Variants in DLG2 observed in about 807,000 individuals in gnomAD.
DLG2 encodes discs large MAGUK scaffold protein 2.
DLG2 carries 45 observed loss-of-function variants against 132.5 expected under a neutral mutation model. That is an observed-to-expected ratio of 0.34 (90% CI 0.27 to 0.44). The LOEUF (loss-of-function observed/expected upper bound fraction) is 0.44. Ranked by LOEUF, DLG2 falls within the 20% of genes least tolerant of loss-of-function variation. The pLI is 1.00. For missense variants in DLG2, 1,045 were observed against 1,196.9 expected (o/e 0.87, Z 1.87); for synonymous variants, 424 against 419.6 (o/e 1.01, Z -0.13).
intron 17 of DLG2, chr11:83,814,928 A>C (rs2048418049): frequency 5.1e-6 from 1 of 197,232 alleles, no homozygotes; most frequent in Admixed American, 5.2e-5. Flanking sequence ...GCACTTGCAC[A>C]GTCAAGAAAT....
chr11:84,549,519 A>G (rs2099397424), intron 6 of DLG2, among the ~76,000 whole-genome samples: 1 of 152,276 alleles, frequency 6.6e-6, no homozygotes, highest in South Asian at 2.1e-4. Context: ...AGCGATGCAA[A>G]TTCCCTGCAG....
chr11:85,469,389 A>G (rs1322436749), intron 3 of DLG2: 1 of 152,258 alleles, frequency 6.6e-6, no homozygotes, highest in East Asian at 1.9e-4. Flanking sequence ...AAATAGTAGC[A>G]TATGTGTAAG....
At chr11:83,900,522 C>T (rs563359336) in intron 15 of DLG2, among the ~76,000 whole-genome samples, 1 of 152,276 alleles carries the variant, frequency 6.6e-6, no homozygotes, top group South Asian at 2.1e-4. Flanking sequence ...CTAGCCATGG[C>T]TAAAAGAGGC....
intron 18 of DLG2, among the ~76,000 whole-genome samples, chr11:83,714,432 TAAG>T (rs982473617): frequency 2.6e-5 from 4 of 152,160 alleles, no homozygotes; most frequent in African/African-American, 9.7e-5. Context: ...ATTTCATAGA[TAAG>T]AAAACTGATA....
intron 6 of DLG2, among the ~76,000 whole-genome samples, chr11:85,050,118 T>TCTCA (rs1555352616): frequency 8.8e-5 from 12 of 136,738 alleles, no homozygotes; most frequent in Admixed American, 4.4e-4. Context: ...CACTGTGTCA[T>TCTCA]CACACACACA....
intron 6 of DLG2, among the ~76,000 whole-genome samples, chr11:84,736,671 A>G (rs1025471597): frequency 1.5e-4 from 23 of 151,846 alleles, no homozygotes; most frequent in Non-Finnish European, 2.9e-4. Context: ...GAATTCCTTT[A>G]TTGATTTTAA....
At position 84,898,965 on chromosome 11, in the gene DLG2, G is replaced by A. The variant is rs532637378; in HGVS notation, c.357+212696C>T. Among the ~76,000 whole-genome samples the A allele has an allele frequency of 2.6e-5, 4 of 152,080 alleles. No homozygotes were observed. In the East Asian group the frequency reaches 7.7e-4, roughly 29 times the overall value. ...TACTAAACTGTAAAATTCCTTGAAAGGTGAGATTGAATTTTATTCATTTTT... is the reference window on the plus strand; with the variant it reads ...TACTAAACTGTAAAATTCCTTGAAAAGTGAGATTGAATTTTATTCATTTTT... On this transcript the variant is annotated intron_variant, in intron 6 of 27. Transcript: ENST00000376104.
chr11:85,016,211 C>T (rs968477476), intron 6 of DLG2, among the ~76,000 whole-genome samples: 5 of 152,022 alleles, frequency 3.3e-5, no homozygotes, highest in African/African-American at 9.7e-5. Context: ...TTCTCTTTTG[C>T]ACCTATGTTA....
At chr11:83,969,912 T>A (rs1426890539) in intron 12 of DLG2, among the ~76,000 whole-genome samples, 1 of 150,284 alleles carries the variant, frequency 6.7e-6, no homozygotes, top group African/African-American at 2.5e-5. Context: ...TGGTTTAAAA[T>A]GTATATGAAA....
intron 6 of DLG2, among the ~76,000 whole-genome samples, chr11:84,794,974 TG>T (rs893613606): frequency 5.3e-5 from 8 of 152,172 alleles, no homozygotes; most frequent in African/African-American, 1.7e-4. Flanking sequence ...GATAAGCTCC[TG>T]GGCAGAAAGG....
chr11:85,529,452 T>TA (rs1048451307), intron 3 of DLG2, among the ~76,000 whole-genome samples: 34 of 152,324 alleles, frequency 2.2e-4, no homozygotes, highest in Non-Finnish European at 3.4e-4. Flanking sequence ...ATCTATTTTT[T>TA]ATCTTGTTCA....
At chr11:84,379,509 G>A (rs147045538) in intron 7 of DLG2, among the ~76,000 whole-genome samples, 10 of 152,192 alleles carry the variant, frequency 6.6e-5, no homozygotes, top group Admixed American at 6.6e-4. Context: ...ATAAGAAGAT[G>A]AGAAATGAGA....
chr11:84,798,225 C>A (rs2074916675), intron 6 of DLG2, among the ~76,000 whole-genome samples: 1 of 152,140 alleles, frequency 6.6e-6, no homozygotes, highest in African/African-American at 2.4e-5. Context: ...CAGCAGATGG[C>A]AAAGCCATTC....
At chr11:84,364,880 A>G (rs2098672478) in intron 7 of DLG2, among the ~76,000 whole-genome samples, 2 of 152,128 alleles carry the variant, frequency 1.3e-5, no homozygotes, top group African/African-American at 4.8e-5. Flanking sequence ...CATGGTGGAT[A>G]AGCTTTTTGA....
intron 6 of DLG2, among the ~76,000 whole-genome samples, chr11:85,062,164 T>C (rs925204023): frequency 1.3e-5 from 2 of 151,868 alleles, no homozygotes; most frequent in African/African-American, 4.8e-5. Context: ...TTATATTCTA[T>C]ATACTTATAA....
chr11:85,423,677 C>G (rs1207829083), intron 3 of DLG2, among the ~76,000 whole-genome samples: 1 of 152,066 alleles, frequency 6.6e-6, no homozygotes, highest in African/African-American at 2.4e-5. Flanking sequence ...ATGACTGTCT[C>G]TACTGTGCTA....
chr11:84,531,546 G>T (rs915566350), intron 7 of DLG2, among the ~76,000 whole-genome samples: 1 of 151,976 alleles, frequency 6.6e-6, no homozygotes, highest in African/African-American at 2.4e-5. Flanking sequence ...ACAACACCTC[G>T]AGAAGGTCAT....
chr11:84,272,867 T>C (rs1178182501), intron 7 of DLG2, among the ~76,000 whole-genome samples: 1 of 152,172 alleles, frequency 6.6e-6, no homozygotes, highest in Non-Finnish European at 1.5e-5. Flanking sequence ...ATCAATATTG[T>C]TTCCTTTCTT....
At chr11:84,063,152 A>G (rs898208398) in intron 10 of DLG2, among the ~76,000 whole-genome samples, 13 of 152,238 alleles carry the variant, frequency 8.5e-5, no homozygotes, top group African/African-American at 2.9e-4. Flanking sequence ...TTACTCTCCA[A>G]TCTCACTCTA....
Sources: gnomAD v4.1 joint callset for allele counts (sites outside exome capture counted in the v4.1 genomes callset) on GRCh38, gnomAD v4.1.1 for gene constraint, MANE v1.5 for transcripts, NCBI Gene and HGNC (gene_info 2026-07-23, HGNC 2026-07-21) for gene names.